The following PYGL variants were observed in gnomAD, a reference collection of about 807,000 sequenced individuals.
PYGL encodes glycogen phosphorylase L.
In PYGL, 90 loss-of-function variants were observed where a neutral mutation model predicts 100.1. That is an observed-to-expected ratio of 0.90 (90% CI 0.76 to 1.07). The LOEUF (loss-of-function observed/expected upper bound fraction) is 1.07, where lower values mean the gene tolerates loss of function less well. Ranked by LOEUF, PYGL falls within the 50% of genes least tolerant of loss-of-function variation. The pLI is 0.00. For missense variants in PYGL, 1,016 were observed against 1,057.6 expected (o/e 0.96, Z 0.55); for synonymous variants, 373 against 393.0 (o/e 0.95, Z 0.60).
chr14:50,939,234 GC>G (rs1001001019), intron 1 of PYGL, among the ~76,000 whole-genome samples: 5 of 152,106 alleles, frequency 3.3e-5, no homozygotes, highest in Admixed American at 2.6e-4. Flanking sequence ...ACAAGGTTTT[GC>G]CATGTTGGCC....
chr14:50,937,403 T>C (rs2050662573), intron 2 of PYGL, among the ~76,000 whole-genome samples: 1 of 144,288 alleles, frequency 6.9e-6, no homozygotes, highest in Non-Finnish European at 1.5e-5. Flanking sequence ...AAAGTAAAGA[T>C]TGTGATTCTG....
chr14:50,913,096 T>G lies in PYGL; in HGVS notation c.1553A>C (p.Gln518Pro). ...IGEDYVKDLS[Q>P]LTKLHSFLGD... ...CAGGAAGCTGTGGAGCTTCGTCAGCTGGCTCAGGTCTTTCACATAGTCTTC... is the reference window on the plus strand; with the variant it reads ...CAGGAAGCTGTGGAGCTTCGTCAGCGGGCTCAGGTCTTTCACATAGTCTTC... The change falls in exon 13 of 20, where the codon CAG becomes CCG. Residue 518 changes from glutamine (Q) to proline (P), a missense_variant. Coordinates refer to ENST00000216392, the MANE Select transcript of PYGL (RefSeq NM_002863.5). The G allele has an allele frequency of 6.2e-7, 1 of 1,614,034 alleles. No individual in the cohort carries two copies.
At chr14:50,934,903 TC>T (rs1186475772) in intron 3 of PYGL, among the ~76,000 whole-genome samples, 1 of 152,174 alleles carries the variant, frequency 6.6e-6, no homozygotes, top group East Asian at 1.9e-4. Flanking sequence ...AAGCAGTGTC[TC>T]TTTTGTTCAA....
intron 2 of PYGL, among the ~76,000 whole-genome samples, chr14:50,936,283 T>C (rs148961847): frequency 1.3e-5 from 2 of 152,204 alleles, no homozygotes; most frequent in Non-Finnish European, 2.9e-5. Flanking sequence ...ATGTGGAAGA[T>C]GCACCAGTGC....
In PYGL at chr14:50,905,324, A is replaced by G; in HGVS notation, c.*68T>C. The G allele has an allele frequency of 6.7e-7, 1 of 1,491,956 alleles. No individual in the cohort carries two copies. The highest frequency in any genetic ancestry group is 9.3e-7 in the Non-Finnish European group (1 of 1,072,134). The allele number at this position is 1,491,956 out of a possible 1,614,324, so 92.4% of individuals were successfully genotyped here. ...TAGATTATTAGCTAACAAAACAAAA[A>G]CCAGTGAATGTTGTAAAAATGTTCA... On this transcript the variant is annotated 3_prime_UTR_variant, in exon 20 of 20. Transcript: ENST00000216392.
At chr14:50,915,729 A>C (rs1251736156) in intron 10 of PYGL, 96 bp downstream of exon 10, 1 of 1,513,956 alleles carries the variant, frequency 6.6e-7, no homozygotes, top group Non-Finnish European at 9.0e-7. Context: ...TGTATCAATG[A>C]TTGAAAGATG....
chr14:50,925,468 C>T (rs549070636), intron 4 of PYGL, among the ~76,000 whole-genome samples: 2 of 152,292 alleles, frequency 1.3e-5, no homozygotes, highest in East Asian at 1.9e-4. Context: ...ACCTCATATT[C>T]ACCTCTTAGA....
intron 19 of PYGL, among the ~76,000 whole-genome samples, chr14:50,906,609 AGAG>A (rs1405100921): frequency 6.6e-6 from 1 of 152,234 alleles, no homozygotes; most frequent in African/African-American, 2.4e-5. Flanking sequence ...TAATTTTAAC[AGAG>A]GAGACATTCA....
intron 3 of PYGL, among the ~76,000 whole-genome samples, chr14:50,933,047 G>T (rs1298097228): frequency 6.6e-6 from 1 of 152,168 alleles, no homozygotes; most frequent in Non-Finnish European, 1.5e-5. Flanking sequence ...TATCTTTAGA[G>T]GGGGTCCCAA....
chr14:50,919,900 T>G (rs948466399), intron 7 of PYGL, among the ~76,000 whole-genome samples: 1 of 152,122 alleles, frequency 6.6e-6, no homozygotes, highest in African/African-American at 2.4e-5. Flanking sequence ...GCCAGGCTGG[T>G]CTCGAACTTC....
intron 4 of PYGL, among the ~76,000 whole-genome samples, chr14:50,925,883 C>T (rs1345603069): frequency 6.6e-6 from 1 of 152,108 alleles, no homozygotes; most frequent in Non-Finnish European, 1.5e-5. Context: ...CTGAGCTCGT[C>T]AGAAAGTCAC....
chr14:50,922,471 A>T (rs2050511091), intron 5 of PYGL, among the ~76,000 whole-genome samples: 1 of 152,186 alleles, frequency 6.6e-6, no homozygotes. Flanking sequence ...TCAATCAGGG[A>T]AAGTCATTTG....
At chr14:50,936,989 C>T (rs2050659677) in intron 2 of PYGL, among the ~76,000 whole-genome samples, 1 of 152,124 alleles carries the variant, frequency 6.6e-6, no homozygotes, top group African/African-American at 2.4e-5. Context: ...TGTGAGTTAG[C>T]TATGACCTGG....
intron 4 of PYGL, 33 bp from the exon 5 acceptor site, chr14:50,924,133 T>C (rs989490519): frequency 1.9e-6 from 3 of 1,608,236 alleles, no homozygotes; most frequent in Admixed American, 3.3e-5. Flanking sequence ...TTAGAATTTA[T>C]TTGTCAGGAA....
At position 50,908,809 on chromosome 14, in the gene PYGL, A is replaced by G. The variant is rs369894448; in HGVS notation, c.2312+12T>C. The G allele has an allele frequency of 1.6e-4, 249 of 1,552,038 alleles. No homozygotes were observed. The African/African-American group carries it at 3.1e-3, about 19-fold the overall frequency. On this transcript the variant is annotated intron_variant, in intron 18 of 19. Transcript: ENST00000216392. ...ATGATCCAAATAGCACCATCTTCTTATGGGAACTCACCTGTCATGATAAAA... is the reference window on the plus strand; with the variant it reads ...ATGATCCAAATAGCACCATCTTCTTGTGGGAACTCACCTGTCATGATAAAA...
At chr14:50,908,437 G>T (rs2050355443) in intron 18 of PYGL, 100 bp from the exon 19 acceptor site, 5 of 1,112,874 alleles carry the variant, frequency 4.5e-6, no homozygotes, top group African/African-American at 1.5e-5. Flanking sequence ...TTAATATCAG[G>T]CATGGCTGGT....
chr14:50,919,904 G>C (rs535528729), intron 7 of PYGL, among the ~76,000 whole-genome samples: 49 of 151,724 alleles, frequency 3.2e-4, no homozygotes, highest in African/African-American at 1.2e-3. Context: ...GGCTGGTCTC[G>C]AACTTCTGGC....
chr14:50,931,859 C>T (rs2050604074), intron 3 of PYGL, 83 bp from the exon 4 acceptor site: 3 of 1,069,566 alleles, frequency 2.8e-6, no homozygotes, highest in South Asian at 1.3e-5. Flanking sequence ...CACATGGCAG[C>T]CACAAAACAT....
rs2050321800 is a variant in PYGL, at chr14:50,905,421, T to A, written c.2515A>T (p.Asn839Tyr). Residue 839 changes from asparagine (N) to tyrosine (Y), a missense_variant, in exon 20 of 20, where the codon AAT becomes TAT. Coordinates refer to ENST00000216392, the MANE Select transcript of PYGL (RefSeq NM_002863.5). The stretch of plus-strand genomic sequence containing the variant: ...TTTCCATTGACTTTGTTAGATTCAT[T>A]GGATAGAGAAATCTTTAGATCTGAA... The part of the protein sequence containing the change: ...EPSDLKISLS[N>Y]ESNKVNGN 1 of 1,613,612 alleles carries A rather than the reference T, an allele frequency of 6.2e-7. No individual in the cohort carries two copies. Among genetic ancestry groups the A allele is most frequent in the Non-Finnish European group, 8.5e-7 (1 of 1,179,598 alleles).
Sources: gnomAD v4.1 joint callset for allele counts (sites outside exome capture counted in the v4.1 genomes callset) on GRCh38, gnomAD v4.1.1 for gene constraint, MANE v1.5 for transcripts, NCBI Gene and HGNC (gene_info 2026-07-23, HGNC 2026-07-21) for gene names.